ISY1: variants seen among roughly 807,000 people sequenced by gnomAD.
ISY1 encodes ISY1 spliceosome associated protein.
ISY1 carries 12 observed loss-of-function variants against 54.4 expected under a neutral mutation model. That is an observed-to-expected ratio of 0.22 (90% CI 0.14 to 0.36). ISY1 has a LOEUF of 0.36. ISY1 is among the 10% of genes least tolerant of loss of function. The probability of loss-of-function intolerance (pLI) is 1.00; values close to 1 mark genes in which losing one functional copy is unlikely to be tolerated. For synonymous variants in ISY1, 96 were observed against 117.9 expected (o/e 0.81, Z 1.20); for missense variants, 282 against 342.2 (o/e 0.82, Z 1.39).
chr3:129,135,488 G>C (rs967340879), intron 7 of ISY1, among the ~76,000 whole-genome samples: 1 of 152,042 alleles, frequency 6.6e-6, no homozygotes, highest in Non-Finnish European at 1.5e-5. Context: ...AAACCAGGCC[G>C]GGTGCGGTGA....
chr3:129,151,055 G>A (rs1380921810), intron 5 of ISY1, among the ~76,000 whole-genome samples: 3 of 151,292 alleles, frequency 2.0e-5, no homozygotes, highest in Non-Finnish European at 2.9e-5. Flanking sequence ...CTGGGAGGCA[G>A]AGGTTGCAGT....
At chr3:129,151,544 G>C (rs568241834) in intron 5 of ISY1, among the ~76,000 whole-genome samples, 1 of 151,294 alleles carries the variant, frequency 6.6e-6, no homozygotes, top group Non-Finnish European at 1.5e-5. Flanking sequence ...CAGGAGAATC[G>C]CTTGAACCCA....
intron 5 of ISY1, among the ~76,000 whole-genome samples, chr3:129,153,947 A>C (rs909227813): frequency 2.0e-5 from 3 of 151,858 alleles, no homozygotes; most frequent in Non-Finnish European, 4.4e-5. Context: ...TCTACTAAAA[A>C]ATTACAAAAA....
chr3:129,151,167 A>T (rs1470020337), intron 5 of ISY1, among the ~76,000 whole-genome samples: 1 of 147,612 alleles, frequency 6.8e-6, no homozygotes, highest in Non-Finnish European at 1.5e-5. Flanking sequence ...ATATAAATAT[A>T]TAAAAATATA....
intron 5 of ISY1, among the ~76,000 whole-genome samples, chr3:129,154,242 C>CAAAA (rs777277943): frequency 4.2e-5 from 2 of 47,800 alleles, no homozygotes; most frequent in Admixed American, 2.4e-4. Flanking sequence ...GACTCTGTCT[C>CAAAA]AAAAAAAAAA....
chr3:129,159,943 C>T (rs548087073), intron 1 of ISY1, among the ~76,000 whole-genome samples: 1 of 152,280 alleles, frequency 6.6e-6, no homozygotes, highest in South Asian at 2.1e-4. Context: ...TCAACTGACA[C>T]AGAAACAAAC....
intron 10 of ISY1, 74 bp downstream of exon 10, chr3:129,130,476 C>T: frequency 6.4e-7 from 1 of 1,557,170 alleles, no homozygotes; most frequent in Non-Finnish European, 8.7e-7. Context: ...ACAACGAAAA[C>T]CCACTACAGT....
chr3:129,146,672 T>C (rs1218225825), intron 5 of ISY1, among the ~76,000 whole-genome samples: 2 of 152,064 alleles, frequency 1.3e-5, no homozygotes, highest in Non-Finnish European at 2.9e-5. Flanking sequence ...CTTTCACGGG[T>C]ATAAAAATCT....
At chr3:129,131,458 C>T (rs1936236228) in intron 9 of ISY1, among the ~76,000 whole-genome samples, 1 of 152,188 alleles carries the variant, frequency 6.6e-6, no homozygotes. Context: ...ATATATGGGT[C>T]ACAAGAGGTC....
chr3:129,151,499 C>T (rs930505574), intron 5 of ISY1, among the ~76,000 whole-genome samples: 1 of 151,294 alleles, frequency 6.6e-6, no homozygotes, highest in African/African-American at 2.4e-5. Context: ...CATGGTGGCA[C>T]ATGCCTGTAG....
intron 5 of ISY1, 87 bp downstream of exon 5, chr3:129,156,546 A>G (rs1937146774): frequency 7.4e-7 from 1 of 1,356,696 alleles, no homozygotes; most frequent in Non-Finnish European, 1.0e-6. Flanking sequence ...TACTTGCTCT[A>G]TTGATTATTT....
chr3:129,144,721 T>C (rs1434987503), intron 6 of ISY1, among the ~76,000 whole-genome samples: 1 of 152,158 alleles, frequency 6.6e-6, no homozygotes, highest in Non-Finnish European at 1.5e-5. Flanking sequence ...TGATTGTGTG[T>C]GTGTGTGTCT....
intron 9 of ISY1, among the ~76,000 whole-genome samples, chr3:129,132,858 G>C (rs1484976874): frequency 1.3e-5 from 2 of 152,230 alleles, no homozygotes; most frequent in Non-Finnish European, 2.9e-5. Context: ...CCCAGTGCTG[G>C]CCCAGCTGGA....
At chr3:129,131,172 C>T (rs1176082045) in intron 9 of ISY1, among the ~76,000 whole-genome samples, 2 of 152,180 alleles carry the variant, frequency 1.3e-5, no homozygotes, top group Non-Finnish European at 2.9e-5. Context: ...CTGACTGGCT[C>T]CCAGTGGGGA....
At chr3:129,147,966 G>A (rs1297656476) in intron 5 of ISY1, among the ~76,000 whole-genome samples, 4 of 151,260 alleles carry the variant, frequency 2.6e-5, no homozygotes, top group African/African-American at 4.9e-5. Flanking sequence ...TTTATTCATC[G>A]ATATGTTTTA....
In ISY1 at chr3:129,156,695, C is replaced by A; in HGVS notation, c.145-20G>T. On this transcript the variant is annotated intron_variant, in intron 4 of 10. Transcript: ENST00000393295. ...AATGATCTATTAAAAAAAAGTAATA[C>A]ATTTTAATAATTTTTGAATATGTTA... 2 of 1,588,162 alleles carry A rather than the reference C, an allele frequency of 1.3e-6. No homozygotes were observed. Among genetic ancestry groups the A allele is most frequent in the Non-Finnish European group, 1.7e-6 (2 of 1,168,108 alleles).
chr3:129,138,223 G>T (rs1936484700), intron 7 of ISY1, among the ~76,000 whole-genome samples: 2 of 150,548 alleles, frequency 1.3e-5, no homozygotes, highest in Non-Finnish European at 3.0e-5. Flanking sequence ...GCTTGCAGCA[G>T]TAAGCCGAGA....
rs149548322 is a variant in ISY1, at chr3:129,139,235, A to G, written c.418+1133T>C. 9.9e-5 allele frequency among the ~76,000 whole-genome samples: 15 copies of G among 152,098 alleles called. No homozygotes were observed. The East Asian group carries it at 2.9e-3, about 29-fold the overall frequency. ...CAGGCATGAGCCACTGCGCCTGGCTATAACTCCTCTGTAGTAAAAAATATA... is the reference window on the plus strand; with the variant it reads ...CAGGCATGAGCCACTGCGCCTGGCTGTAACTCCTCTGTAGTAAAAAATATA... On this transcript the variant is annotated intron_variant, in intron 7 of 10. Coordinates refer to ENST00000393295, the MANE Select transcript of ISY1 (RefSeq NM_020701.4).
intron 5 of ISY1, among the ~76,000 whole-genome samples, chr3:129,155,915 TTC>T (rs1937121382): frequency 6.6e-6 from 1 of 151,420 alleles, no homozygotes; most frequent in African/African-American, 2.4e-5. Context: ...GAGGTGGGGT[TTC>T]TCCATGTTGG....
Sources: gnomAD v4.1 joint callset for allele counts (sites outside exome capture counted in the v4.1 genomes callset) on GRCh38, gnomAD v4.1.1 for gene constraint, MANE v1.5 for transcripts, NCBI Gene and HGNC (gene_info 2026-07-23, HGNC 2026-07-21) for gene names.